The following DMXL1 variants were observed in gnomAD, a reference collection of about 807,000 sequenced individuals.
The protein encoded by DMXL1 is Dmx like 1, also known as dmX-like protein 1.
DMXL1 carries 99 observed loss-of-function variants against 319.2 expected under a neutral mutation model. The ratio of observed to expected loss-of-function variants is 0.31; its 90% CI spans 0.26 to 0.37. The LOEUF is 0.37. Among genes scored for constraint, DMXL1 ranks in the 10% least tolerant of loss-of-function variants. DMXL1 has a pLI of 1.00. For synonymous variants in DMXL1, 1,385 were observed against 1,235.2 expected, an observed-to-expected ratio of 1.12 and a Z score of -2.54; for missense variants, 3,745 against 3,595.6, an observed-to-expected ratio of 1.04 and a Z score of -1.06.
At chr5:119,225,944 A>G (rs1396685005) in intron 38 of DMXL1, among the ~76,000 whole-genome samples, 1 of 152,162 alleles carries the variant, frequency 6.6e-6, no homozygotes, top group Non-Finnish European at 1.5e-5. Flanking sequence ...TACATCAGGA[A>G]ATACTTGATA....
At chr5:119,089,669 A>G (rs1184212123) in intron 1 of DMXL1, among the ~76,000 whole-genome samples, 1 of 141,444 alleles carries the variant, frequency 7.1e-6, no homozygotes, top group East Asian at 2.1e-4. Flanking sequence ...CTTGTTGCCC[A>G]GGCTGGTGTG....
At chr5:119,122,306 C>CG (rs1472181624) in intron 9 of DMXL1, among the ~76,000 whole-genome samples, 82 of 144,944 alleles carry the variant, frequency 5.7e-4, no homozygotes, top group African/African-American at 1.9e-3. Flanking sequence ...GCTGGCCGGG[C>CG]GGGGGGCTGA....
intron 4 of DMXL1, among the ~76,000 whole-genome samples, chr5:119,108,892 C>G (rs956045605): frequency 6.6e-6 from 1 of 152,036 alleles, no homozygotes; most frequent in Admixed American, 6.6e-5. Flanking sequence ...ACCTCTGCCT[C>G]CCGGGTTCAA....
chr5:119,151,165 A>G (rs761327798), intron 18 of DMXL1, among the ~76,000 whole-genome samples: 3 of 152,084 alleles, frequency 2.0e-5, no homozygotes, highest in Admixed American at 6.6e-5. Flanking sequence ...TTAAATTAGC[A>G]TTAATGTATG....
intron 1 of DMXL1, among the ~76,000 whole-genome samples, chr5:119,073,701 A>G (rs1425275814): frequency 1.3e-5 from 2 of 152,166 alleles, no homozygotes; most frequent in Non-Finnish European, 2.9e-5. Context: ...ATTTTTAAGT[A>G]TAAAGAGAGT....
In DMXL1 at chr5:119,150,321, A is replaced by G; in HGVS notation, c.4494A>G (p.Leu1498=). ...CTGGCCACTTACTTCATTCTAGTTT[A>G]CCAGGACTCAGCCGGATGGAGCAGA... ...VLSGHLLHSS[L]PGLSRMEQMS... is the part of the protein sequence containing the mutation. The change falls in exon 18 of 44, where the codon TTA becomes TTG. Residue 1498 remains leucine, a synonymous_variant. Transcript: ENST00000539542. 3.1e-6 allele frequency: 5 copies of G among 1,613,854 alleles called. No homozygotes were observed. Among genetic ancestry groups the G allele is most frequent in the Non-Finnish European group, 4.2e-6 (5 of 1,179,844 alleles).
chr5:119,226,385 G>T (rs1055795029), intron 38 of DMXL1, among the ~76,000 whole-genome samples: 1 of 152,142 alleles, frequency 6.6e-6, no homozygotes, highest in African/African-American at 2.4e-5. Flanking sequence ...CTGAAGTTCA[G>T]ATACCTCAAG....
At chr5:119,074,946 TA>T (rs1428957464) in intron 1 of DMXL1, among the ~76,000 whole-genome samples, 1 of 152,176 alleles carries the variant, frequency 6.6e-6, no homozygotes, top group Non-Finnish European at 1.5e-5. Context: ...TTCTCTTCTG[TA>T]AAATGGGACT....
chr5:119,127,105 C>G (rs1002560789), intron 9 of DMXL1: 1 of 162,468 alleles, frequency 6.2e-6, no homozygotes, highest in African/African-American at 2.4e-5. Context: ...GTTTTCAACT[C>G]CATTGTAAGT....
intron 19 of DMXL1, among the ~76,000 whole-genome samples, chr5:119,152,978 T>G (rs977139612): frequency 1.3e-5 from 2 of 152,068 alleles, no homozygotes; most frequent in Admixed American, 1.3e-4. Flanking sequence ...CTTTTTAGTT[T>G]TTTTTTTTTC....
chr5:119,091,728 C>A (rs1439640800), intron 1 of DMXL1, among the ~76,000 whole-genome samples: 5 of 152,110 alleles, frequency 3.3e-5, no homozygotes, highest in African/African-American at 9.7e-5. Context: ...GTGAGGAGAT[C>A]CCACAGGAGG....
intron 9 of DMXL1, among the ~76,000 whole-genome samples, chr5:119,125,359 C>T (rs1168398892): frequency 6.6e-6 from 1 of 152,086 alleles, no homozygotes; most frequent in African/African-American, 2.4e-5. Flanking sequence ...CCACCTGCTG[C>T]TTACGGAAAG....
At position 119,217,022 on chromosome 5, in the gene DMXL1, G is replaced by C. The variant is rs756439825; in HGVS notation, c.8013+35G>C. 5.9e-6 allele frequency: 7 copies of C among 1,196,580 alleles called. No individual in the cohort carries two copies. In the South Asian group the frequency reaches 7.9e-5, roughly 13 times the overall value. The allele number at this position is 1,196,580 out of a possible 1,614,324, so 74.1% of individuals were successfully genotyped here. A position where few individuals can be genotyped will look rare whatever the true frequency, so the allele number is the denominator to read the frequency against. On this transcript the variant is annotated intron_variant, in intron 35 of 43. Coordinates refer to ENST00000539542, the MANE Select transcript of DMXL1 (RefSeq NM_001290321.3). The stretch of plus-strand genomic sequence containing the variant: ...TAGACATTCTTCTTTTGTTTATTAA[G>C]TATTTATAGTTGGATAATATCTTCT...
intron 38 of DMXL1, among the ~76,000 whole-genome samples, chr5:119,229,320 C>CA (rs1449618835): frequency 2.6e-5 from 4 of 152,088 alleles, no homozygotes; most frequent in Admixed American, 2.6e-4. Context: ...ATTTTGTGGT[C>CA]AGATTGCTTA....
chr5:119,180,788 T>C (rs1477852730), intron 28 of DMXL1, among the ~76,000 whole-genome samples: 1 of 152,210 alleles, frequency 6.6e-6, no homozygotes, highest in Non-Finnish European at 1.5e-5. Context: ...CATAGCTCTG[T>C]TGAGTTTAAT....
intron 38 of DMXL1, among the ~76,000 whole-genome samples, chr5:119,230,963 T>C (rs1183118440): frequency 6.6e-6 from 1 of 152,236 alleles, no homozygotes; most frequent in Non-Finnish European, 1.5e-5. Flanking sequence ...CCCACCCAGA[T>C]TGCTAAAACT....
chr5:119,087,101 T>A (rs894032689), intron 1 of DMXL1, among the ~76,000 whole-genome samples: 2 of 152,048 alleles, frequency 1.3e-5, no homozygotes, highest in Admixed American at 6.6e-5. Context: ...AGCCACAGTT[T>A]TGTTGATTGT....
Position 119,177,345 on chromosome 5 carries a change from T to A in DMXL1, c.6759-12T>A. 6.8e-7 allele frequency: 1 copy of A among 1,477,082 alleles called. No homozygotes were observed. The highest frequency in any genetic ancestry group is 9.1e-7 in the Non-Finnish European group (1 of 1,104,094). The allele number at this position is 1,477,082 out of a possible 1,614,324, so 91.5% of individuals were successfully genotyped here. A position where few individuals can be genotyped will look rare whatever the true frequency, so the allele number is the denominator to read the frequency against. On this transcript the variant is annotated splice_polypyrimidine_tract_variant and intron_variant, in intron 26 of 43. Coordinates refer to ENST00000539542, the MANE Select transcript of DMXL1 (RefSeq NM_001290321.3). ...ATTTATCATAGATTTAAATATTGTT[T>A]TTTTCTCTTAGTTCATTTCAGACGA...
At chr5:119,109,999 G>A (rs1288364506) in intron 4 of DMXL1, 152 bp from the exon 5 acceptor site, 16 of 607,574 alleles carry the variant, frequency 2.6e-5, no homozygotes, top group Non-Finnish European at 4.2e-5. Flanking sequence ...CTATTTTAAC[G>A]AAATTAAAAT....
Sources: gnomAD v4.1 joint callset for allele counts (sites outside exome capture counted in the v4.1 genomes callset) on GRCh38, gnomAD v4.1.1 for gene constraint, MANE v1.5 for transcripts, NCBI Gene and HGNC (gene_info 2026-07-23, HGNC 2026-07-21) for gene names.